Variants in AK4 observed in about 807,000 individuals in gnomAD.
AK4 encodes the protein adenylate kinase 4, mitochondrial.
AK4 carries 13 observed loss-of-function variants against 24.6 expected under a neutral mutation model. The ratio of observed to expected loss-of-function variants is 0.53; its 90% CI spans 0.34 to 0.84. The LOEUF is 0.84. AK4 is among the 40% of genes least tolerant of loss of function. AK4 has a pLI of 0.01. For missense variants in AK4, 192 were observed against 288.2 expected (o/e 0.67, Z 2.42); for synonymous variants, 88 against 107.0 (o/e 0.82, Z 1.10).
intron 3 of AK4, among the ~76,000 whole-genome samples, chr1:65,220,779 A>G (rs1007523514): frequency 6.6e-6 from 1 of 152,186 alleles, no homozygotes; most frequent in African/African-American, 2.4e-5. Flanking sequence ...CATGGCCCTG[A>G]AAGTATTTTT....
intron 2 of AK4, among the ~76,000 whole-genome samples, chr1:65,196,875 TAC>T (rs1379464617): frequency 3.3e-5 from 5 of 152,198 alleles, no homozygotes; most frequent in Non-Finnish European, 5.9e-5. Context: ...TTAATGGACT[TAC>T]AGTTCCACGT....
chr1:65,179,410 G>A (rs1650825703), intron 1 of AK4, among the ~76,000 whole-genome samples: 1 of 152,154 alleles, frequency 6.6e-6, no homozygotes, highest in African/African-American at 2.4e-5. Flanking sequence ...TGGGCTGTAT[G>A]ACTTATTAAC....
intron 1 of AK4, among the ~76,000 whole-genome samples, chr1:65,166,765 C>A (rs1650343793): frequency 1.3e-5 from 2 of 152,212 alleles, no homozygotes; most frequent in South Asian, 4.1e-4. Flanking sequence ...AAGCAGTTCT[C>A]CCACTTTGGC....
chr1:65,210,828 T>C (rs991627567), intron 2 of AK4, among the ~76,000 whole-genome samples: 1 of 152,180 alleles, frequency 6.6e-6, no homozygotes, highest in African/African-American at 2.4e-5. Flanking sequence ...AATTTACATA[T>C]AGTAATTTGC....
At chr1:65,212,743 C>T (rs765430681) in intron 2 of AK4, among the ~76,000 whole-genome samples, 1 of 152,152 alleles carries the variant, frequency 6.6e-6, no homozygotes, top group South Asian at 2.1e-4. Flanking sequence ...ATGCCTGATA[C>T]AGCAGCATCG....
intron 2 of AK4, among the ~76,000 whole-genome samples, chr1:65,192,065 T>C (rs147969881): frequency 3.6e-4 from 55 of 152,352 alleles, no homozygotes; most frequent in African/African-American, 1.3e-3. Flanking sequence ...CCTAGGCATG[T>C]TAATTTCTCT....
At chr1:65,189,335 A>G (rs1224130938) in intron 1 of AK4, among the ~76,000 whole-genome samples, 2 of 137,734 alleles carry the variant, frequency 1.5e-5, no homozygotes, top group South Asian at 2.3e-4. Context: ...CTGGAGTGCA[A>G]TGGCTCAATC....
intron 1 of AK4, among the ~76,000 whole-genome samples, chr1:65,161,714 C>T (rs913409994): frequency 3.3e-5 from 5 of 151,896 alleles, no homozygotes; most frequent in South Asian, 2.1e-4. Flanking sequence ...TTTTTCATGA[C>T]GGTTCAGTTC....
rs562884149 is a variant in AK4, at chr1:65,227,015, G to GGA, written c.*838_*839insGA. ...TGACACTGTTCCTTTCTTTTATTGT[G>GGA]AAAAAAAAAAAAAACCCTGAAAGTC... is the stretch of plus-strand genomic sequence containing the variant. On this transcript the variant is annotated 3_prime_UTR_variant, in exon 5 of 5. Coordinates refer to ENST00000327299, the MANE Select transcript of AK4 (RefSeq NM_013410.4). The GGA allele has an allele frequency of 2.8e-5, 3 of 109,048 alleles. No individual in the cohort carries two copies. The Admixed American group carries it at 2.9e-4, about 10-fold the overall frequency. The allele number at this position is 109,048 out of a possible 1,614,324, so 6.8% of individuals were successfully genotyped here.
rs150779258 is a variant in AK4, at chr1:65,154,742, C to T, written c.145+6190C>T. The T allele has an allele frequency of 2.5e-3, 670 of 263,708 alleles. 5 individuals carry two copies. Among genetic ancestry groups the T allele is most frequent in the African/African-American group, 0.014 (630 of 45,554 alleles). The allele number at this position is 263,708 out of a possible 1,614,324, so 16.3% of individuals were successfully genotyped here. On this transcript the variant is annotated intron_variant, in intron 1 of 4. Coordinates refer to ENST00000327299, the MANE Select transcript of AK4 (RefSeq NM_013410.4). ...ATAAAATAAACATTCAAACAAAGAACGCTCTTACAAATGTCATTGTGTACA... is the reference window on the plus strand; with the variant it reads ...ATAAAATAAACATTCAAACAAAGAATGCTCTTACAAATGTCATTGTGTACA...
chr1:65,186,140 T>C (rs907792148), intron 1 of AK4, among the ~76,000 whole-genome samples: 1 of 152,140 alleles, frequency 6.6e-6, no homozygotes, highest in South Asian at 2.1e-4. Context: ...TAATTTAATT[T>C]AACTTAATTT....
chr1:65,223,824 C>T (rs537589386), intron 3 of AK4, among the ~76,000 whole-genome samples: 1 of 152,130 alleles, frequency 6.6e-6, no homozygotes, highest in South Asian at 2.1e-4. Flanking sequence ...GTGAACCACA[C>T]TGTCTCTACT....
intron 1 of AK4, among the ~76,000 whole-genome samples, chr1:65,175,419 G>A (rs919697056): frequency 2.6e-5 from 4 of 152,226 alleles, no homozygotes; most frequent in Admixed American, 2.0e-4. Context: ...TGAGCAGATG[G>A]CACTGGAGAA....
chr1:65,216,641 TTTTC>T (rs1251532581), intron 2 of AK4, among the ~76,000 whole-genome samples: 3 of 125,496 alleles, frequency 2.4e-5, no homozygotes, highest in Non-Finnish European at 4.6e-5. Flanking sequence ...TTTTTTTCTT[TTTTC>T]TTTCTTTCTC....
chr1:65,183,408 G>A (rs544851372), intron 1 of AK4, among the ~76,000 whole-genome samples: 2 of 152,096 alleles, frequency 1.3e-5, no homozygotes, highest in East Asian at 1.9e-4. Context: ...ACACCATCAC[G>A]CCCAGCTAAT....
At position 65,148,438 on chromosome 1, in the gene AK4, C is replaced by G; in HGVS notation, c.31C>G (p.Leu11Val). The G allele has an allele frequency of 1.3e-6, 2 of 1,563,190 alleles. No homozygotes were observed. Among genetic ancestry groups the G allele is most frequent in the Non-Finnish European group, 1.7e-6 (2 of 1,155,392 alleles). MASKLLRAVI[L>V]GPPGSGKGTV... is the part of the protein sequence containing the mutation. ...TTCCAAACTCCTGCGCGCGGTCATC[C>G]TCGGGCCGCCCGGCTCGGGCAAGGG... The change falls in exon 1 of 5, where the codon CTC becomes GTC. Residue 11 changes from leucine (L) to valine (V), a missense_variant. Leu to Val is a conservative substitution (Grantham distance 32, BLOSUM62 1). Coordinates refer to ENST00000327299, the MANE Select transcript of AK4 (RefSeq NM_013410.4).
chr1:65,173,265 A>G (rs1650600427), intron 1 of AK4, among the ~76,000 whole-genome samples: 3 of 152,126 alleles, frequency 2.0e-5, no homozygotes, highest in South Asian at 2.1e-4. Flanking sequence ...ATGTGTTCTC[A>G]TGGTGGGGGA....
In AK4 at chr1:65,228,738, T is replaced by A. The variant is rs1652545677; in HGVS notation, c.*2561T>A. 6.6e-6 allele frequency: 1 copy of A among 151,580 alleles called. No homozygotes were observed. Among genetic ancestry groups the A allele is most frequent in the South Asian group, 2.1e-4 (1 of 4,800 alleles). 9.4% of individuals were successfully genotyped at this position (151,580 alleles called of 1,614,324 possible). A position where few individuals can be genotyped will look rare whatever the true frequency, so the allele number is the denominator to read the frequency against. Reference sequence around the variant, plus strand: ...CTTGTTTTGTTTTTTTTTTTTCTATTGCCACACATGACCGTTCCTTCACCT... The same window carrying A: ...CTTGTTTTGTTTTTTTTTTTTCTATAGCCACACATGACCGTTCCTTCACCT... On this transcript the variant is annotated 3_prime_UTR_variant, in exon 5 of 5. Coordinates refer to ENST00000327299, the MANE Select transcript of AK4 (RefSeq NM_013410.4).
upstream of AK4, chr1:65,148,164 A>AGGAGGTGGAGAAGGGCGG (rs1186861371): frequency 9.3e-5 from 70 of 749,746 alleles, 1 homozygote; most frequent in African/African-American, 1.2e-3. Context: ...GAGGAGGGCG[A>AGGAGGTGGAGAAGGGCGG]GGAGGTGGAG....
Sources: gnomAD v4.1 joint callset for allele counts (sites outside exome capture counted in the v4.1 genomes callset) on GRCh38, gnomAD v4.1.1 for gene constraint, MANE v1.5 for transcripts, NCBI Gene and HGNC (gene_info 2026-07-23, HGNC 2026-07-21) for gene names.